Variants in DNAJC13 observed in about 807,000 individuals in gnomAD.
The protein encoded by DNAJC13 is DnaJ heat shock protein family (Hsp40) member C13.
DNAJC13 carries 75 observed loss-of-function variants against 290.5 expected under a neutral mutation model. The observed-to-expected ratio is 0.26, with a 90% confidence interval of 0.21 to 0.31. The LOEUF (loss-of-function observed/expected upper bound fraction) is 0.31. Among genes scored for constraint, DNAJC13 ranks in the 10% least tolerant of loss-of-function variants. The probability of loss-of-function intolerance (pLI) is 1.00; values close to 1 mark genes in which losing one functional copy is unlikely to be tolerated. For synonymous variants in DNAJC13, 862 were observed against 892.0 expected (o/e 0.97, Z 0.60); for missense variants, 2,260 against 2,674.5 (o/e 0.85, Z 3.42).
At position 132,434,598 on chromosome 3, in the gene DNAJC13, A is replaced by G. The variant is rs1939330824; in HGVS notation, c.48A>G (p.Thr16=). 2 of 1,610,000 alleles carry G rather than the reference A, an allele frequency of 1.2e-6. No individual in the cohort carries two copies. Among genetic ancestry groups the G allele is most frequent in the East Asian group, 4.5e-5 (2 of 44,816 alleles). The change falls in exon 2 of 56, where the codon ACA becomes ACG. Residue 16 remains threonine, a synonymous_variant. Coordinates refer to ENST00000260818, the MANE Select transcript of DNAJC13 (RefSeq NM_015268.4). The stretch of plus-strand genomic sequence containing the variant: ...AGGATCTGGCATGTTTCTACACAAC[A>G]AAACATTCATGGAGGGGGAAGTAAG... ...ENKDLACFYT[T]KHSWRGKYKR...
At chr3:132,500,709 T>C in intron 38 of DNAJC13, 85 bp from the exon 39 acceptor site, 4 of 1,565,342 alleles carry the variant, frequency 2.6e-6, no homozygotes, top group Non-Finnish European at 1.7e-6. Context: ...TATTCACAAA[T>C]TTCTGCTGGT....
chr3:132,432,215 TG>T (rs796693101), intron 1 of DNAJC13, among the ~76,000 whole-genome samples: 12 of 151,702 alleles, frequency 7.9e-5, no homozygotes, highest in Admixed American at 2.0e-4. Context: ...TTTGTTTTTT[TG>T]GGGGGGGACA....
rs759837832 is a variant in DNAJC13 at position 132,461,033 on chromosome 3, C to A, written c.1558-17C>A. Reference sequence around the variant, plus strand: ...CCATCTCTTAAGTCTTTAAGAGAATCTGTTGCATTGTTTCAGGATCATGGG... The same window carrying A: ...CCATCTCTTAAGTCTTTAAGAGAATATGTTGCATTGTTTCAGGATCATGGG... On this transcript the variant is annotated splice_polypyrimidine_tract_variant and intron_variant, in intron 14 of 55. Transcript: ENST00000260818. 1.2e-6 allele frequency: 2 copies of A among 1,611,338 alleles called. No homozygotes were observed. Among genetic ancestry groups the A allele is most frequent in the African/African-American group, 2.7e-5 (2 of 74,746 alleles).
chr3:132,497,203 A>G (rs916373839), intron 36 of DNAJC13, among the ~76,000 whole-genome samples: 1 of 152,216 alleles, frequency 6.6e-6, no homozygotes, highest in African/African-American at 2.4e-5. Flanking sequence ...TATAGATGAA[A>G]TAGGTGTAAT....
chr3:132,458,559 C>G (rs1160235194), intron 13 of DNAJC13, among the ~76,000 whole-genome samples: 1 of 152,054 alleles, frequency 6.6e-6, no homozygotes, highest in Non-Finnish European at 1.5e-5. Flanking sequence ...AAGACTGTTG[C>G]AACAAAAGAT....
rs958665919 is a variant in DNAJC13 at position 132,516,626 on chromosome 3, T to C, written c.5561-78T>C. 19 of 1,528,698 alleles carry C rather than the reference T, an allele frequency of 1.2e-5. No homozygotes were observed. In the African/African-American group the frequency reaches 2.6e-4, roughly 21 times the overall value. 94.7% of individuals were successfully genotyped at this position (1,528,698 alleles called of 1,614,324 possible). On this transcript the variant is annotated intron_variant, in intron 47 of 55. Coordinates refer to ENST00000260818, the MANE Select transcript of DNAJC13 (RefSeq NM_015268.4). ...TACAGTTTTTAAAAACTACATTCAG[T>C]TGAAATATGGTTGAAAATGAATTCT...
At chr3:132,468,318 C>T (rs1240049878) in intron 20 of DNAJC13, among the ~76,000 whole-genome samples, 1 of 152,280 alleles carries the variant, frequency 6.6e-6, no homozygotes, top group East Asian at 1.9e-4. Context: ...TTGCCATATT[C>T]AAGGAAAATA....
intron 1 of DNAJC13, among the ~76,000 whole-genome samples, chr3:132,430,110 T>C (rs913663159): frequency 6.6e-6 from 1 of 152,116 alleles, no homozygotes; most frequent in African/African-American, 2.4e-5. Flanking sequence ...ACTTTTATCT[T>C]AATGTGTTAT....
intron 1 of DNAJC13, among the ~76,000 whole-genome samples, chr3:132,418,705 C>G (rs1938871815): frequency 1.3e-5 from 2 of 152,156 alleles, no homozygotes; most frequent in South Asian, 4.1e-4. Flanking sequence ...TATGTTGAGC[C>G]TTTTGTAATA....
chr3:132,512,905 A>T, intron 44 of DNAJC13, 103 bp from the exon 45 acceptor site: 2 of 942,384 alleles, frequency 2.1e-6, no homozygotes, highest in Non-Finnish European at 1.7e-6. Context: ...ACCAGTTATC[A>T]GAGACTTAAA....
chr3:132,422,289 A>C (rs1226851000), intron 1 of DNAJC13, among the ~76,000 whole-genome samples: 1 of 151,748 alleles, frequency 6.6e-6, no homozygotes, highest in Non-Finnish European at 1.5e-5. Context: ...CTCCCACCTC[A>C]GCCTCTCAGA....
intron 17 of DNAJC13, among the ~76,000 whole-genome samples, chr3:132,465,146 C>T (rs1047812688): frequency 6.6e-6 from 1 of 152,072 alleles, no homozygotes; most frequent in Admixed American, 6.5e-5. Context: ...GTTTTAGTGG[C>T]GTTCACTTTC....
chr3:132,456,647 C>T lies in DNAJC13; in HGVS notation c.1180-16C>T. On this transcript the variant is annotated splice_polypyrimidine_tract_variant and intron_variant, in intron 11 of 55. Transcript: ENST00000260818. Reference sequence around the variant, plus strand: ...TTGGTATGGAAACTTTTTTGAAATACTCTTTCTTCACCTAGGGTCTCTTCT... The same window carrying T: ...TTGGTATGGAAACTTTTTTGAAATATTCTTTCTTCACCTAGGGTCTCTTCT... The T allele has an allele frequency of 6.2e-7, 1 of 1,610,510 alleles. No individual in the cohort carries two copies. Among genetic ancestry groups the T allele is most frequent in the South Asian group, 1.1e-5 (1 of 90,810 alleles).
chr3:132,466,086 A>T lies in DNAJC13; in HGVS notation c.1968+16A>T, dbSNP rs1420426333. On this transcript the variant is annotated intron_variant, in intron 18 of 55. Coordinates refer to ENST00000260818, the MANE Select transcript of DNAJC13 (RefSeq NM_015268.4). ...ACGCATTTTGGTAAGTCAGTTGAGA[A>T]ATTAGGTTATATACTGCCTAATAAA... 6.2e-7 allele frequency: 1 copy of T among 1,603,688 alleles called. No homozygotes were observed. Among genetic ancestry groups the T allele is most frequent in the Non-Finnish European group, 8.5e-7 (1 of 1,170,718 alleles).
At chr3:132,517,656 G>C (rs2107738475) in intron 48 of DNAJC13, among the ~76,000 whole-genome samples, 1 of 152,174 alleles carries the variant, frequency 6.6e-6, no homozygotes, top group East Asian at 1.9e-4. Context: ...ATTCAAGCAA[G>C]TCCACAAAGG....
intron 6 of DNAJC13, among the ~76,000 whole-genome samples, chr3:132,451,617 C>T (rs1933418180): frequency 6.6e-6 from 1 of 152,092 alleles, no homozygotes; most frequent in African/African-American, 2.4e-5. Context: ...TGGAGAGACT[C>T]ATTTGAACTT....
At position 132,483,418 on chromosome 3, in the gene DNAJC13, G is replaced by A; in HGVS notation, c.3023G>A (p.Arg1008Lys). The change falls in exon 28 of 56, where the codon AGA becomes AAA. Residue 1008 changes from arginine to lysine, a missense_variant. By Grantham distance (26) the Arg-to-Lys change is conservative. Around this residue, in one of 3 missense-constraint regions of DNAJC13, gnomAD observed 1,494 missense variants for 1,693.7 expected, o/e 0.88. Transcript: ENST00000260818. The stretch of plus-strand genomic sequence containing the variant: ...AAAGGAATGTTAAATGCAAAAACCA[G>A]ATGCTGGGCTCAAGGCATGGATGGA... Reference protein sequence around the residue: ...WTKGMLNAKTRCWAQGMDGWR... With the variant: ...WTKGMLNAKTKCWAQGMDGWR... 1 of 1,614,128 alleles carries A rather than the reference G, an allele frequency of 6.2e-7. No individual in the cohort carries two copies.
chr3:132,516,360 G>A (rs543736243), intron 46 of DNAJC13, 62 bp from the exon 47 acceptor site: 4 of 1,458,916 alleles, frequency 2.7e-6, no homozygotes, highest in East Asian at 4.5e-5. Flanking sequence ...GCACAGAGCT[G>A]GTGCCAAGTA....
chr3:132,472,147 A>C (rs1934298536), intron 20 of DNAJC13, among the ~76,000 whole-genome samples: 1 of 149,162 alleles, frequency 6.7e-6, no homozygotes, highest in South Asian at 2.3e-4. Flanking sequence ...GAGGCAGGAG[A>C]ATCAGGCAGG....
Sources: allele counts gnomAD v4.1 joint callset (sites outside exome capture counted in the v4.1 genomes callset), GRCh38; gene constraint gnomAD v4.1.1; regional missense constraint gnomAD v4.1.1; transcripts MANE v1.5; gene names NCBI Gene and HGNC (gene_info 2026-07-23, HGNC 2026-07-21).